TANC1: variants seen among roughly 807,000 people sequenced by gnomAD.
TANC1 encodes tetratricopeptide repeat, ankyrin repeat and coiled-coil containing 1.
A neutral mutation model predicts 149.7 loss-of-function variants in TANC1; 77 were observed. The ratio of observed to expected loss-of-function variants is 0.51; its 90% CI spans 0.43 to 0.62. The LOEUF is 0.62. TANC1 is among the 20% of genes least tolerant of loss of function. The pLI is 0.00. For missense variants in TANC1, 1,985 were observed against 2,321.8 expected, an observed-to-expected ratio of 0.85 and a Z score of 2.98; for synonymous variants, 854 against 925.0, an observed-to-expected ratio of 0.92 and a Z score of 1.39.
chr2:159,029,961 T>G (rs2039651717), intron 2 of TANC1, among the ~76,000 whole-genome samples: 1 of 152,192 alleles, frequency 6.6e-6, no homozygotes, highest in African/African-American at 2.4e-5. Context: ...AGTGCTGGGA[T>G]TATAGGTGTG....
intron 3 of TANC1, among the ~76,000 whole-genome samples, chr2:159,068,858 G>T (rs1358876135): frequency 6.6e-6 from 1 of 152,132 alleles, no homozygotes; most frequent in African/African-American, 2.4e-5. Context: ...TCCTGCCTCA[G>T]CCTCCCGAGT....
At chr2:159,049,473 A>G (rs1303945670) in intron 2 of TANC1, among the ~76,000 whole-genome samples, 2 of 152,228 alleles carry the variant, frequency 1.3e-5, no homozygotes, top group African/African-American at 4.8e-5. Context: ...GGACTGCTTC[A>G]TCATCAGCAG....
intron 4 of TANC1, among the ~76,000 whole-genome samples, chr2:159,122,069 A>C (rs764831691): frequency 3.3e-5 from 5 of 152,102 alleles, no homozygotes; most frequent in Non-Finnish European, 7.4e-5. Context: ...TCCCAAGTAC[A>C]TGGGACTACA....
chr2:158,974,283 A>G lies in TANC1; in HGVS notation c.-126+5501A>G, dbSNP rs371339830. ...TGATTCATTGAGGGCCATTGCTGCA[A>G]TAGTTTACAACATTATAACCATCCT... On this transcript the variant is annotated intron_variant, in intron 1 of 26. Coordinates refer to ENST00000263635, the MANE Select transcript of TANC1 (RefSeq NM_033394.3). 1.2e-3 allele frequency among the ~76,000 whole-genome samples: 184 copies of G among 152,304 alleles called. 1 individual carries two copies. The highest frequency in any genetic ancestry group is 4.3e-3 in the African/African-American group (179 of 41,568).
intron 19 of TANC1, among the ~76,000 whole-genome samples, chr2:159,206,684 C>T (rs1198704099): frequency 6.6e-6 from 1 of 152,112 alleles, no homozygotes; most frequent in Non-Finnish European, 1.5e-5. Flanking sequence ...AAAAATCATC[C>T]TTGTTTCTTC....
chr2:159,227,638 A>T, intron 24 of TANC1, 181 bp from the exon 25 acceptor site: 1 of 627,266 alleles, frequency 1.6e-6, no homozygotes, highest in East Asian at 2.8e-5. Context: ...AGGACAGTGA[A>T]GCCCTCATGT....
intron 2 of TANC1, among the ~76,000 whole-genome samples, chr2:159,049,650 G>T (rs370987193): frequency 4.9e-4 from 75 of 152,312 alleles, no homozygotes; most frequent in African/African-American, 1.7e-3. Context: ...TGGTGGAAGC[G>T]AATGGAGGGG....
chr2:159,187,820 A>G (rs1465388026), intron 16 of TANC1, among the ~76,000 whole-genome samples: 1 of 152,240 alleles, frequency 6.6e-6, no homozygotes, highest in African/African-American at 2.4e-5. Context: ...ATAAAATTCT[A>G]TAATCATAAG....
intron 3 of TANC1, among the ~76,000 whole-genome samples, chr2:159,075,643 A>G (rs1026905333): frequency 6.6e-6 from 1 of 152,032 alleles, no homozygotes; most frequent in African/African-American, 2.4e-5. Context: ...GATATTCTGT[A>G]TTTTTTGCTT....
chr2:159,228,018 C>G, intron 25 of TANC1, 53 bp downstream of exon 25: 1 of 1,586,230 alleles, frequency 6.3e-7, no homozygotes, highest in South Asian at 1.1e-5. Flanking sequence ...GAGCCCTTCT[C>G]CAGCAGTGAA....
chr2:159,025,326 T>C (rs1443212229), intron 2 of TANC1, among the ~76,000 whole-genome samples: 1 of 151,664 alleles, frequency 6.6e-6, no homozygotes, highest in African/African-American at 2.4e-5. Context: ...ACCTACTCTC[T>C]TAACAAAGTA....
chr2:159,197,932 A>G (rs2057982855), intron 18 of TANC1, among the ~76,000 whole-genome samples: 2 of 152,198 alleles, frequency 1.3e-5, no homozygotes, highest in South Asian at 4.1e-4. Flanking sequence ...TTACTCTTAG[A>G]ATTCTGATGG....
intron 4 of TANC1, among the ~76,000 whole-genome samples, chr2:159,111,544 G>T (rs1232628370): frequency 6.6e-6 from 1 of 152,180 alleles, no homozygotes; most frequent in East Asian, 1.9e-4. Context: ...TTATTTGGAC[G>T]AGCACCAGAT....
intron 2 of TANC1, among the ~76,000 whole-genome samples, chr2:159,063,077 C>G (rs995786730): frequency 2.6e-5 from 4 of 151,766 alleles, no homozygotes; most frequent in African/African-American, 9.7e-5. Context: ...TGTCAGCAAG[C>G]CAGACAGTTG....
chr2:159,100,389 A>G (rs2046562766), intron 4 of TANC1, among the ~76,000 whole-genome samples: 1 of 152,200 alleles, frequency 6.6e-6, no homozygotes, highest in Non-Finnish European at 1.5e-5. Flanking sequence ...TGATGAAGCC[A>G]TGTCTCCTTA....
intron 5 of TANC1, among the ~76,000 whole-genome samples, chr2:159,143,850 G>T: frequency 6.6e-6 from 1 of 151,836 alleles, no homozygotes; most frequent in African/African-American, 2.4e-5. Context: ...CAAAAGTACA[G>T]CTTTTTACCT....
chr2:159,089,409 C>T (rs1375694655), intron 3 of TANC1, among the ~76,000 whole-genome samples: 9 of 152,120 alleles, frequency 5.9e-5, no homozygotes, highest in African/African-American at 1.9e-4. Flanking sequence ...ATCGCCTGCA[C>T]CCCACCTCCA....
chr2:159,059,884 C>G (rs2042103002), intron 2 of TANC1, among the ~76,000 whole-genome samples: 1 of 66,712 alleles, frequency 1.5e-5, no homozygotes, highest in Non-Finnish European at 3.2e-5. Flanking sequence ...TCTAGCAGAC[C>G]TCTTTGTGTG....
intron 7 of TANC1, among the ~76,000 whole-genome samples, chr2:159,154,934 CCTT>C (rs1244800445): frequency 1.3e-5 from 2 of 152,232 alleles, no homozygotes; most frequent in Admixed American, 1.3e-4. Flanking sequence ...GGTGTTTCCT[CCTT>C]GTCTGAGAAA....
Sources: allele counts gnomAD v4.1 joint callset (sites outside exome capture counted in the v4.1 genomes callset), GRCh38; gene constraint gnomAD v4.1.1; transcripts MANE v1.5; gene names NCBI Gene and HGNC (gene_info 2026-07-23, HGNC 2026-07-21).